The following MTR variants were observed in gnomAD, a reference collection of about 807,000 sequenced individuals.
MTR encodes 5-methyltetrahydrofolate-homocysteine methyltransferase.
MTR carries 84 observed loss-of-function variants against 154.8 expected under a neutral mutation model. The observed-to-expected ratio is 0.54, with a 90% CI of 0.45 to 0.65. MTR has a LOEUF of 0.65. Among genes scored for constraint, MTR ranks in the 30% least tolerant of loss-of-function variants. MTR has a pLI of 0.00. For synonymous variants in MTR, 554 were observed against 553.9 expected (o/e 1.00, Z 0.00); for missense variants, 1,275 against 1,570.2 (o/e 0.81, Z 3.18).
chr1:236,859,143 A>G (rs1456569212), intron 18 of MTR, among the ~76,000 whole-genome samples: 2 of 152,256 alleles, frequency 1.3e-5, no homozygotes, highest in African/African-American at 2.4e-5. Flanking sequence ...TGGCAGCTGG[A>G]AAATCCAAGA....
Position 236,901,862 on chromosome 1 carries a change from A to C in MTR, c.*4218A>C, listed in dbSNP as rs1480018293. On this transcript the variant is annotated 3_prime_UTR_variant, in exon 33 of 33. Transcript: ENST00000366577. ...ATTCCATTTCAACATGATTTGGGGG[A>C]TACATCAGACCATAACACTTTTCTT... is the stretch of plus-strand genomic sequence containing the variant. 1 of 152,176 alleles carries C rather than the reference A, an allele frequency of 6.6e-6. No individual in the cohort carries two copies. The highest frequency in any genetic ancestry group is 1.5e-5 in the Non-Finnish European group (1 of 68,072). 9.4% of individuals were successfully genotyped at this position (152,176 alleles called of 1,614,324 possible).
At chr1:236,821,663 CTG>C (rs1288893952) in intron 8 of MTR, among the ~76,000 whole-genome samples, 3 of 152,102 alleles carry the variant, frequency 2.0e-5, no homozygotes, top group Admixed American at 1.3e-4. Context: ...TAAATTTTTT[CTG>C]TGTTATTTAC....
Position 236,795,333 on chromosome 1 carries a change from C to T in MTR, c.-371C>T, listed in dbSNP as rs1375591160. ...TGAAAGGTTCTAAATGTCTGCGGGG[C>T]TCAGAGCCGGATGTCACGTCGTCCT... is the stretch of plus-strand genomic sequence containing the variant. On this transcript the variant is annotated 5_prime_UTR_variant, in exon 1 of 33. Transcript: ENST00000366577. 7.7e-7 allele frequency: 1 copy of T among 1,298,320 alleles called. No homozygotes were observed. Among genetic ancestry groups the T allele is most frequent in the Non-Finnish European group, 1.0e-6 (1 of 998,200 alleles). 80.4% of individuals were successfully genotyped at this position (1,298,320 alleles called of 1,614,324 possible).
chr1:236,840,904 T>C (rs73129149), intron 15 of MTR, among the ~76,000 whole-genome samples: 3,721 of 152,212 alleles, frequency 0.024, 66 homozygotes, highest in South Asian at 0.088. Flanking sequence ...TGTCAAAGAG[T>C]GTACACATTT....
chr1:236,816,312 C>G, intron 7 of MTR, 137 bp from the exon 8 acceptor site: 2 of 753,826 alleles, frequency 2.7e-6, no homozygotes, highest in Non-Finnish European at 4.7e-6. Context: ...AGAAAGTGCC[C>G]CCTTTGAATT....
At chr1:236,843,500 A>G (rs1430336989) in intron 15 of MTR, among the ~76,000 whole-genome samples, 1 of 152,202 alleles carries the variant, frequency 6.6e-6, no homozygotes, top group South Asian at 2.1e-4. Context: ...GACACCACTG[A>G]AAACTTTTGA....
At chr1:236,803,009 G>A (rs1398104285) in intron 1 of MTR, among the ~76,000 whole-genome samples, 1 of 152,100 alleles carries the variant, frequency 6.6e-6, no homozygotes, top group Non-Finnish European at 1.5e-5. Context: ...GAGGGAGAAG[G>A]TCAAAGCTAA....
chr1:236,893,800 C>A (rs1666466956), intron 29 of MTR, among the ~76,000 whole-genome samples: 1 of 152,144 alleles, frequency 6.6e-6, no homozygotes, highest in Non-Finnish European at 1.5e-5. Flanking sequence ...TGGTGCCCAG[C>A]CAGCCCTGGG....
At chr1:236,837,066 T>C (rs550962949) in intron 14 of MTR, among the ~76,000 whole-genome samples, 1 of 152,190 alleles carries the variant, frequency 6.6e-6, no homozygotes, top group African/African-American at 2.4e-5. Flanking sequence ...CTACCACAAC[T>C]TATTGGAGGC....
intron 24 of MTR, among the ~76,000 whole-genome samples, chr1:236,879,989 TAAA>T (rs34152972): frequency 6.9e-6 from 1 of 144,986 alleles, no homozygotes. Flanking sequence ...CCATCTCTAC[TAAA>T]AAAAAAAAAT....
intron 22 of MTR, among the ~76,000 whole-genome samples, chr1:236,872,032 T>C (rs534079441): frequency 6.6e-6 from 1 of 152,282 alleles, no homozygotes; most frequent in Admixed American, 6.5e-5. Flanking sequence ...CTATTTAATT[T>C]TAAGAATTGT....
In MTR at chr1:236,852,896, G is replaced by T. The variant is rs535763820; in HGVS notation, c.1813-52G>T. 1.9e-6 allele frequency: 3 copies of T among 1,605,246 alleles called. No homozygotes were observed. The East Asian group carries it at 6.7e-5, about 36-fold the overall frequency. The stretch of plus-strand genomic sequence containing the variant: ...CTTTACAGAGAAAAGTTTGCTGATC[G>T]CTGACTTAAGGTATCACTGTAAATT... On this transcript the variant is annotated intron_variant, in intron 17 of 32. Coordinates refer to ENST00000366577, the MANE Select transcript of MTR (RefSeq NM_000254.3).
At chr1:236,837,146 A>C (rs548371915) in intron 14 of MTR, among the ~76,000 whole-genome samples, 2 of 152,332 alleles carry the variant, frequency 1.3e-5, no homozygotes, top group African/African-American at 4.8e-5. Context: ...GGGTTGGGAC[A>C]CCAAACTATC....
chr1:236,841,285 A>G (rs976712385), intron 15 of MTR, among the ~76,000 whole-genome samples: 9 of 152,220 alleles, frequency 5.9e-5, no homozygotes, highest in African/African-American at 1.9e-4. Context: ...CAGTGCTTAC[A>G]TTATTAAACA....
At chr1:236,842,707 A>G (rs571550381) in intron 15 of MTR, among the ~76,000 whole-genome samples, 1 of 151,738 alleles carries the variant, frequency 6.6e-6, no homozygotes, top group Admixed American at 6.6e-5. Flanking sequence ...GACAACGGAG[A>G]ATAAAACCTA....
At chr1:236,879,200 ATCTC>A (rs1228113453) in intron 24 of MTR, among the ~76,000 whole-genome samples, 2 of 152,218 alleles carry the variant, frequency 1.3e-5, no homozygotes, top group Non-Finnish European at 2.9e-5. Flanking sequence ...GTACAATTGA[ATCTC>A]TCTCTTCCAA....
intron 22 of MTR, among the ~76,000 whole-genome samples, chr1:236,870,959 A>T (rs1454527741): frequency 6.6e-6 from 1 of 152,014 alleles, no homozygotes; most frequent in African/African-American, 2.4e-5. Context: ...CTCACTACCT[A>T]CACTGCTTCT....
chr1:236,891,983 A>G (rs893914449), intron 29 of MTR, among the ~76,000 whole-genome samples: 2 of 152,106 alleles, frequency 1.3e-5, no homozygotes, highest in Non-Finnish European at 2.9e-5. Flanking sequence ...GAGTGACGAG[A>G]ACAGACTCTT....
chr1:236,863,085 A>C (rs1328291171), intron 21 of MTR, among the ~76,000 whole-genome samples: 1 of 152,154 alleles, frequency 6.6e-6, no homozygotes, highest in Non-Finnish European at 1.5e-5. Flanking sequence ...TGGGACATAC[A>C]CATACAGTTA....
Sources: allele counts gnomAD v4.1 joint callset (sites outside exome capture counted in the v4.1 genomes callset), GRCh38; gene constraint gnomAD v4.1.1; transcripts MANE v1.5; gene names NCBI Gene and HGNC (gene_info 2026-07-23, HGNC 2026-07-21).